Variants in FREM1 observed in about 807,000 individuals in gnomAD.
FREM1 encodes FRAS1 related extracellular matrix 1.
FREM1 carries 220 observed loss-of-function variants against 210.1 expected under a neutral mutation model. The observed-to-expected ratio is 1.05, with a 90% CI of 0.94 to 1.17. The LOEUF is 1.17. Ranked by LOEUF, FREM1 falls within the 50% of genes most tolerant of loss-of-function variation. The pLI, the probability that FREM1 is intolerant of heterozygous loss-of-function variation, is 0.00. For synonymous variants in FREM1, 1,189 were observed against 980.2 expected, an observed-to-expected ratio of 1.21 and a Z score of -3.98; for missense variants, 3,454 against 2,675.5, an observed-to-expected ratio of 1.29 and a Z score of -6.42.
At position 14,770,757 on chromosome 9, in the gene FREM1, G is replaced by A. The variant is rs766178221; in HGVS notation, c.4907C>T (p.Pro1636Leu). Residue 1636 changes from proline (P) to leucine (L), a missense_variant, in exon 26 of 37, where the codon CCT becomes CTT. Pro to Leu is a moderately conservative substitution (Grantham distance 98). Coordinates refer to ENST00000380880, the MANE Select transcript of FREM1 (RefSeq NM_001379081.2). ...TAPRITLLHS[P>L]SQVGLLKNGC... ...ATTTTTCAGGAGCCCCACTTGAGAA[G>A]GGGAATGCAAGAGTGTGATACGAGG... 6.2e-7 allele frequency: 1 copy of A among 1,613,462 alleles called. No homozygotes were observed. The highest frequency in any genetic ancestry group is 1.3e-5 in the African/African-American group (1 of 75,016).
chr9:14,870,293 G>C (rs998199605), intron 1 of FREM1, among the ~76,000 whole-genome samples: 1 of 152,150 alleles, frequency 6.6e-6, no homozygotes, highest in Non-Finnish European at 1.5e-5. Flanking sequence ...TTTTGAGGCA[G>C]TGCCTGACTT....
At chr9:14,824,658 G>A (rs375368634) in intron 11 of FREM1, 138 bp downstream of exon 11, 65 of 612,490 alleles carry the variant, frequency 1.1e-4, no homozygotes, top group East Asian at 1.2e-4. Flanking sequence ...AAAAGTAAAC[G>A]CTTAATTGAG....
At chr9:14,880,388 G>T (rs373113331) in intron 1 of FREM1, among the ~76,000 whole-genome samples, 4 of 152,148 alleles carry the variant, frequency 2.6e-5, no homozygotes, top group African/African-American at 9.7e-5. Flanking sequence ...TGGATCACCT[G>T]AAGTCAGGAG....
intron 28 of FREM1, 77 bp from the exon 29 acceptor site, chr9:14,756,523 C>T (rs113537412): frequency 3.1e-6 from 3 of 962,846 alleles, no homozygotes; most frequent in Admixed American, 4.9e-5. Context: ...CTCCCTCATA[C>T]TGGACTAAAC....
intron 1 of FREM1, among the ~76,000 whole-genome samples, chr9:14,873,946 A>T (rs544703744): frequency 9.2e-5 from 14 of 152,216 alleles, no homozygotes; most frequent in Non-Finnish European, 1.9e-4. Context: ...ATTCAGGAGC[A>T]GGTTGTTCAG....
At chr9:14,839,464 G>C (rs536362009) in intron 10 of FREM1, among the ~76,000 whole-genome samples, 1 of 152,312 alleles carries the variant, frequency 6.6e-6, no homozygotes, top group Non-Finnish European at 1.5e-5. Context: ...GTAATGAAGA[G>C]AGCAAATTTG....
chr9:14,860,648 T>C (rs1288809430), intron 3 of FREM1, among the ~76,000 whole-genome samples: 1 of 141,430 alleles, frequency 7.1e-6, no homozygotes, highest in Non-Finnish European at 1.5e-5. Context: ...CATGTATACA[T>C]ATATACACAT....
intron 1 of FREM1, among the ~76,000 whole-genome samples, chr9:14,894,541 G>A (rs150642391): frequency 2.6e-5 from 4 of 152,320 alleles, no homozygotes; most frequent in Non-Finnish European, 1.5e-5. Flanking sequence ...AAGCTGAAAT[G>A]TTCACAAATA....
rs192848650 is a variant in FREM1, at chr9:14,842,475, T to C, written c.1579A>G (p.Asn527Asp). 2.5e-6 allele frequency: 4 copies of C among 1,614,002 alleles called. No individual in the cohort carries two copies. Among genetic ancestry groups the C allele is most frequent in the Admixed American group, 3.3e-5 (2 of 60,032 alleles). ...CCCTCCTCCAGTTCAATCACAACAT[T>C]GGTTATGAGGAACGGGGGACTATCA... is the stretch of plus-strand genomic sequence containing the variant. ...KDDSPPFLIT[N>D]VVIELEEGQT... Residue 527 changes from asparagine (N) to aspartate (D), a missense_variant, in exon 9 of 37, where the codon AAT becomes GAT. Transcript: ENST00000380880.
rs41265308 is a variant in FREM1 at position 14,792,849 on chromosome 9, C to A, written c.3875G>T (p.Arg1292Leu). ...AEIAMNMGET[R>L]IISSAILSAI... The stretch of plus-strand genomic sequence containing the variant: ...TGAAAGAATAGCACTGGAAATAATA[C>A]GAGTTTCACCCATATTCATTGCAAT... The change falls in exon 22 of 37, where the codon CGT (arginine) becomes CTT (leucine). Residue 1292 changes from arginine to leucine, a missense_variant. Coordinates refer to ENST00000380880, the MANE Select transcript of FREM1 (RefSeq NM_001379081.2). 9 of 1,593,576 alleles carry A rather than the reference C, an allele frequency of 5.6e-6. No homozygotes were observed. The highest frequency in any genetic ancestry group is 6.8e-6 in the Non-Finnish European group (8 of 1,168,332).
chr9:14,762,751 T>A (rs1587789294), intron 27 of FREM1, among the ~76,000 whole-genome samples: 1 of 87,888 alleles, frequency 1.1e-5, no homozygotes, highest in African/African-American at 4.1e-5. Context: ...ATGTTTTGAA[T>A]GTGATTTTTT....
At chr9:14,815,260 C>T (rs891213992) in intron 15 of FREM1, among the ~76,000 whole-genome samples, 3 of 152,170 alleles carry the variant, frequency 2.0e-5, no homozygotes, top group Admixed American at 6.5e-5. Flanking sequence ...CCCAAGACTA[C>T]ACTGTCTAGT....
At chr9:14,779,938 A>G (rs984713136) in intron 24 of FREM1, among the ~76,000 whole-genome samples, 1 of 152,210 alleles carries the variant, frequency 6.6e-6, no homozygotes, top group African/African-American at 2.4e-5. Flanking sequence ...GCAGAGAGAC[A>G]TCATCAGAGA....
At chr9:14,739,475 T>A (rs867095594) in intron 36 of FREM1, among the ~76,000 whole-genome samples, 6 of 91,634 alleles carry the variant, frequency 6.5e-5, no homozygotes, top group African/African-American at 1.0e-4. Context: ...TATATATATA[T>A]AATTCATATA....
chr9:14,856,855 AAT>A (rs1172116228), intron 5 of FREM1, among the ~76,000 whole-genome samples: 107 of 152,030 alleles, frequency 7.0e-4, no homozygotes, highest in Non-Finnish European at 1.4e-3. Flanking sequence ...AAAAAAAAAA[AAT>A]CTCAGCTGTT....
chr9:14,782,215 G>T, intron 24 of FREM1: 1 of 291,110 alleles, frequency 3.4e-6, no homozygotes, highest in Non-Finnish European at 5.1e-6. Flanking sequence ...GCAATTATCT[G>T]AGGATCCAGA....
chr9:14,817,039 C>T (rs908901356), intron 14 of FREM1, among the ~76,000 whole-genome samples, 168 bp from the exon 15 acceptor site: 6 of 152,222 alleles, frequency 3.9e-5, no homozygotes, highest in Admixed American at 3.3e-4. Flanking sequence ...ACATATTTAA[C>T]TACTCATACA....
At chr9:14,873,026 A>G (rs984929343) in intron 1 of FREM1, among the ~76,000 whole-genome samples, 3 of 151,916 alleles carry the variant, frequency 2.0e-5, no homozygotes, top group African/African-American at 7.3e-5. Flanking sequence ...AGCCCACTTG[A>G]TCATGGTGGA....
In FREM1 at chr9:14,759,986, C is replaced by A. The variant is rs546493572; in HGVS notation, c.5205-85G>T. ...TCTGCTGAGCGGACTAGTGGAAAAA[C>A]GTGGTTGATCAACCTACACCAGTGA... On this transcript the variant is annotated intron_variant, in intron 27 of 36. Coordinates refer to ENST00000380880, the MANE Select transcript of FREM1 (RefSeq NM_001379081.2). 62 of 1,135,684 alleles carry A rather than the reference C, an allele frequency of 5.5e-5. No homozygotes were observed. The African/African-American group carries it at 8.3e-4, about 15-fold the overall frequency. The allele number at this position is 1,135,684 out of a possible 1,614,324, so 70.4% of individuals were successfully genotyped here.
Sources: gnomAD v4.1 joint callset for allele counts (sites outside exome capture counted in the v4.1 genomes callset) on GRCh38, gnomAD v4.1.1 for gene constraint, MANE v1.5 for transcripts, NCBI Gene and HGNC (gene_info 2026-07-23, HGNC 2026-07-21) for gene names.